VPS13A: variants seen among roughly 807,000 people sequenced by gnomAD.
VPS13A encodes intermembrane lipid transfer protein VPS13A.
VPS13A carries 264 observed loss-of-function variants against 390.9 expected under a neutral mutation model. The observed-to-expected ratio is 0.68, with a 90% CI of 0.61 to 0.75. VPS13A has a LOEUF of 0.75. VPS13A is among the 30% of genes least tolerant of loss of function. The pLI, the probability that VPS13A is intolerant of heterozygous loss-of-function variation, is 0.00. For synonymous variants in VPS13A, 1,231 were observed against 1,227.1 expected (o/e 1.00, Z -0.07); for missense variants, 3,409 against 3,733.9 (o/e 0.91, Z 2.27).
chr9:77,253,750 A>G (rs1825279094), intron 22 of VPS13A, among the ~76,000 whole-genome samples: 1 of 151,882 alleles, frequency 6.6e-6, no homozygotes, highest in African/African-American at 2.4e-5. Flanking sequence ...TTTATTGTCC[A>G]GTTTATCTTA....
At chr9:77,182,962 G>A (rs575410030) in intron 1 of VPS13A, among the ~76,000 whole-genome samples, 1 of 152,246 alleles carries the variant, frequency 6.6e-6, no homozygotes, top group South Asian at 2.1e-4. Flanking sequence ...TACAGTTTTC[G>A]ATTTTTAAGG....
chr9:77,317,626 G>A lies in VPS13A; in HGVS notation c.4884G>A (p.Leu1628=). Residue 1628 remains leucine, a synonymous_variant, in exon 40 of 72, where the codon TTG becomes TTA. Transcript: ENST00000360280. ...KITTVLQPCD[L]FYQTTQKGTD... is the part of the protein sequence containing the mutation. ...CATAGGTTTTGCAGCCCTGTGACTT[G>A]TTTTATCAAACTACTCAGAAAGGTA... The A allele has an allele frequency of 6.2e-7, 1 of 1,601,680 alleles. No homozygotes were observed. The highest frequency in any genetic ancestry group is 8.5e-7 in the Non-Finnish European group (1 of 1,173,526).
intron 33 of VPS13A, among the ~76,000 whole-genome samples, chr9:77,301,851 T>C (rs1828373911): frequency 6.6e-6 from 1 of 152,176 alleles, no homozygotes; most frequent in Admixed American, 6.5e-5. Context: ...TTATTTTTTA[T>C]AAAGTAAGGG....
chr9:77,219,991 G>A lies in VPS13A; in HGVS notation c.792G>A (p.Met264Ile). 8 of 1,613,332 alleles carry A rather than the reference G, an allele frequency of 5.0e-6. No individual in the cohort carries two copies. The highest frequency in any genetic ancestry group is 6.8e-6 in the Non-Finnish European group (8 of 1,179,612). ...TATCTGCTAATGCCAAACTTGTGATGAATCGCCGATCTGATTTTGACTTTT... is the reference window on the plus strand; with the variant it reads ...TATCTGCTAATGCCAAACTTGTGATAAATCGCCGATCTGATTTTGACTTTT... ...RPISANAKLV[M>I]NRRSDFDFSA... Residue 264 changes from methionine to isoleucine, a missense_variant, in exon 11 of 72, where the codon ATG becomes ATA. Physicochemically the swap from Met to Ile is conservative, Grantham distance 10. Around this residue, in one of 5 missense-constraint regions of VPS13A, gnomAD observed 2,717 missense variants for 2,917.4 expected, o/e 0.93. Transcript: ENST00000360280.
chr9:77,259,486 G>A (rs1825637433), intron 22 of VPS13A, among the ~76,000 whole-genome samples: 1 of 152,142 alleles, frequency 6.6e-6, no homozygotes, highest in Admixed American at 6.5e-5. Context: ...CGTGGAAAAA[G>A]TAATTTTTAG....
At chr9:77,200,899 T>C (rs1825294450) in intron 2 of VPS13A, among the ~76,000 whole-genome samples, 1 of 152,196 alleles carries the variant, frequency 6.6e-6, no homozygotes, top group South Asian at 2.1e-4. Flanking sequence ...GGGTTCAGTT[T>C]CATGTTTTTG....
chr9:77,361,122 A>T (rs144873473), intron 59 of VPS13A, among the ~76,000 whole-genome samples: 4 of 152,128 alleles, frequency 2.6e-5, no homozygotes, highest in Non-Finnish European at 5.9e-5. Flanking sequence ...GTAACAGTCT[A>T]TTGAGGTATA....
Position 77,366,766 on chromosome 9 carries a change from G to A in VPS13A, c.8365G>A (p.Ala2789Thr). ...SVSLSSGREE[A>T]KDSKQNGGLI... is the part of the protein sequence containing the mutation. The stretch of plus-strand genomic sequence containing the variant: ...TTCACTGAGTTCCGGCAGAGAAGAA[G>A]CTAAAGATTCAAAACAAAATGGAGG... The change falls in exon 61 of 72, where the codon GCT (alanine) becomes ACT (threonine). Residue 2789 changes from alanine (A) to threonine (T), a missense_variant. Physicochemically the swap from Ala to Thr is moderately conservative, Grantham distance 58. This residue lies in a region of VPS13A where 123 missense variants were observed against 118.7 expected (regional missense o/e 1.04). Transcript: ENST00000360280. 6.2e-7 allele frequency: 1 copy of A among 1,613,066 alleles called. No homozygotes were observed. Among genetic ancestry groups the A allele is most frequent in the South Asian group, 1.1e-5 (1 of 90,992 alleles).
chr9:77,360,747 T>G, intron 59 of VPS13A, 106 bp downstream of exon 59: 1 of 852,136 alleles, frequency 1.2e-6, no homozygotes, highest in Non-Finnish European at 1.9e-6. Flanking sequence ...AAAATACAAT[T>G]AAATAAATTT....
chr9:77,220,950 A>G (rs1372593294), intron 12 of VPS13A, among the ~76,000 whole-genome samples: 2 of 152,030 alleles, frequency 1.3e-5, no homozygotes, highest in South Asian at 2.1e-4. Context: ...CTTGTGTAGA[A>G]CTATATTTAA....
intron 23 of VPS13A, among the ~76,000 whole-genome samples, chr9:77,270,627 G>C (rs1166861525): frequency 6.6e-6 from 1 of 152,106 alleles, no homozygotes; most frequent in African/African-American, 2.4e-5. Context: ...GGAGGCGGAG[G>C]TTGCAGTGAG....
chr9:77,383,078 C>A, intron 68 of VPS13A: 4 of 945,348 alleles, frequency 4.2e-6, no homozygotes, highest in Non-Finnish European at 3.8e-6. Context: ...ATGAAGCTTC[C>A]TTTATGGCTT....
intron 19 of VPS13A, among the ~76,000 whole-genome samples, chr9:77,245,713 C>T (rs1284607406): frequency 1.3e-5 from 2 of 152,190 alleles, no homozygotes; most frequent in African/African-American, 4.8e-5. Flanking sequence ...TTAAAGATGA[C>T]ACAGTTTTGA....
At chr9:77,411,655 C>G (rs1338765277) in intron 71 of VPS13A, among the ~76,000 whole-genome samples, 1 of 38,434 alleles carries the variant, frequency 2.6e-5, no homozygotes, top group Non-Finnish European at 4.0e-5. Flanking sequence ...AGCAAAACTC[C>G]ATCTCAAAAA....
chr9:77,233,889 G>T (rs1026649858), intron 17 of VPS13A, among the ~76,000 whole-genome samples: 8 of 152,028 alleles, frequency 5.3e-5, no homozygotes, highest in Admixed American at 1.3e-4. Context: ...GTCCATATTT[G>T]TCTGTTACAT....
chr9:77,177,832 G>C (rs756244503), intron 1 of VPS13A, 28 bp downstream of exon 1: 8 of 1,588,304 alleles, frequency 5.0e-6, no homozygotes, highest in Non-Finnish European at 6.9e-6. Context: ...GCCGCTCCCC[G>C]GCCTCTCGTG....
At chr9:77,244,557 G>A (rs889422323) in intron 19 of VPS13A, among the ~76,000 whole-genome samples, 1 of 152,178 alleles carries the variant, frequency 6.6e-6, no homozygotes, top group African/African-American at 2.4e-5. Context: ...GTGCTGTTAT[G>A]TGCACATTAT....
At chr9:77,341,722 C>CTTTTTTTTTTTTTTTTTTTT (rs1342016752) in intron 50 of VPS13A, among the ~76,000 whole-genome samples, 183 of 65,940 alleles carry the variant, frequency 2.8e-3, no homozygotes, top group Non-Finnish European at 3.4e-3. Flanking sequence ...TTTTTTTTTG[C>CTTTTTTTTTTTTTTTTTTTT]TTTTGCTGTG....
At chr9:77,235,907 G>A (rs754021966) in intron 17 of VPS13A, among the ~76,000 whole-genome samples, 3 of 152,088 alleles carry the variant, frequency 2.0e-5, no homozygotes, top group Non-Finnish European at 4.4e-5. Context: ...TCCATATTTA[G>A]TAGAAATCTT....
Sources: gnomAD v4.1 joint callset for allele counts (sites outside exome capture counted in the v4.1 genomes callset) on GRCh38, gnomAD v4.1.1 for gene constraint, gnomAD v4.1.1 regional missense constraint, MANE v1.5 for transcripts, NCBI Gene and HGNC (gene_info 2026-07-23, HGNC 2026-07-21) for gene names.